The following RANBP17 variants were observed in gnomAD, a reference collection of about 807,000 sequenced individuals.
RANBP17 encodes ran-binding protein 17.
A neutral mutation model predicts 141.2 loss-of-function variants in RANBP17; 158 were observed. The ratio of observed to expected loss-of-function variants is 1.12; its 90% CI spans 0.98 to 1.28. RANBP17 has a LOEUF of 1.28. Ranked by LOEUF, RANBP17 falls within the 50% of genes most tolerant of loss-of-function variation. The pLI is 0.00. For synonymous variants in RANBP17, 430 were observed against 450.0 expected (o/e 0.96, Z 0.56); for missense variants, 1,438 against 1,290.7 (o/e 1.11, Z -1.75).
At chr5:171,138,906 T>C (rs1310564966) in intron 14 of RANBP17, among the ~76,000 whole-genome samples, 1 of 151,994 alleles carries the variant, frequency 6.6e-6, no homozygotes, top group Non-Finnish European at 1.5e-5. Context: ...TGAGTCGTCA[T>C]CTCTGCAAAA....
At chr5:170,895,908 T>C (rs946103038) in intron 4 of RANBP17, 142 bp from the exon 5 acceptor site, 6 of 435,072 alleles carry the variant, frequency 1.4e-5, no homozygotes, top group African/African-American at 1.2e-4. Flanking sequence ...TTTTTCTTTA[T>C]ATTTTATAAT....
chr5:171,290,142 G>A (rs1361528607), intron 25 of RANBP17, among the ~76,000 whole-genome samples: 1 of 151,798 alleles, frequency 6.6e-6, no homozygotes, highest in African/African-American at 2.4e-5. Context: ...GCGGAGGCAG[G>A]TGGATCACGA....
chr5:171,095,152 A>T (rs1187089814), intron 14 of RANBP17, among the ~76,000 whole-genome samples: 1 of 152,240 alleles, frequency 6.6e-6, no homozygotes, highest in Non-Finnish European at 1.5e-5. Flanking sequence ...ATATTCTGTT[A>T]TAGCAACAGA....
At chr5:171,218,021 G>A (rs1008210766) in intron 21 of RANBP17, among the ~76,000 whole-genome samples, 1 of 152,118 alleles carries the variant, frequency 6.6e-6, no homozygotes, top group Admixed American at 6.6e-5. Context: ...TCTCTTGTGG[G>A]CATTTAGTGC....
intron 14 of RANBP17, among the ~76,000 whole-genome samples, chr5:171,072,959 C>T (rs76364139): frequency 0.013 from 1,981 of 151,898 alleles, 42 homozygotes; most frequent in African/African-American, 0.046. Context: ...AAAGCTAGAA[C>T]TAAAAGGCAG....
intron 14 of RANBP17, among the ~76,000 whole-genome samples, chr5:171,014,317 C>T (rs746448851): frequency 6.6e-6 from 1 of 151,926 alleles, no homozygotes; most frequent in Non-Finnish European, 1.5e-5. Context: ...AGACCATTTA[C>T]ATGTACTGCA....
intron 25 of RANBP17, among the ~76,000 whole-genome samples, chr5:171,292,822 C>T (rs1768574668): frequency 6.6e-6 from 1 of 152,216 alleles, no homozygotes; most frequent in Non-Finnish European, 1.5e-5. Flanking sequence ...ACACATTCTA[C>T]ATGTCCCCAA....
intron 14 of RANBP17, among the ~76,000 whole-genome samples, chr5:171,069,035 T>A (rs1337996273): frequency 2.6e-5 from 4 of 152,196 alleles, no homozygotes; most frequent in Non-Finnish European, 4.4e-5. Flanking sequence ...TATTTCATAT[T>A]CTCTACAGCC....
intron 14 of RANBP17, among the ~76,000 whole-genome samples, chr5:171,006,735 T>G (rs1561980085): frequency 8.7e-6 from 1 of 114,678 alleles, no homozygotes; most frequent in African/African-American, 2.9e-5. Flanking sequence ...CTCTAAAACT[T>G]AAAGTATTAA....
At chr5:171,211,001 CA>C (rs949233363) in intron 20 of RANBP17, among the ~76,000 whole-genome samples, 9,195 of 75,372 alleles carry the variant, frequency 0.12, 355 homozygotes, top group African/African-American at 0.23. Context: ...AAGACCCCGT[CA>C]AAAAAAAAAA....
chr5:171,205,901 A>G (rs1229175040), intron 20 of RANBP17: 2 of 463,682 alleles, frequency 4.3e-6, no homozygotes, highest in South Asian at 2.0e-5. Flanking sequence ...TAATCTGGCT[A>G]ACATCTTTAG....
At chr5:171,151,208 T>C (rs17073376) in intron 14 of RANBP17, among the ~76,000 whole-genome samples, 8,611 of 152,282 alleles carry the variant, frequency 0.057, 302 homozygotes, top group East Asian at 0.12. Context: ...TTTAAAGGCA[T>C]GGTGTTAATA....
At chr5:171,038,290 C>CA (rs1782020497) in intron 14 of RANBP17, among the ~76,000 whole-genome samples, 1 of 151,370 alleles carries the variant, frequency 6.6e-6, no homozygotes, top group Admixed American at 6.6e-5. Flanking sequence ...ACTTTTTGTA[C>CA]ATTAATTTTT....
chr5:170,936,071 C>T (rs1305363698), intron 12 of RANBP17, among the ~76,000 whole-genome samples: 3 of 152,194 alleles, frequency 2.0e-5, no homozygotes, highest in South Asian at 2.1e-4. Context: ...AGCGAGGCTC[C>T]GTGGGCATGG....
At chr5:171,076,719 T>C (rs944775649) in intron 14 of RANBP17, among the ~76,000 whole-genome samples, 1 of 152,162 alleles carries the variant, frequency 6.6e-6, no homozygotes, top group Non-Finnish European at 1.5e-5. Flanking sequence ...TCATCTTGTA[T>C]GTAGAAAAGT....
chr5:170,999,893 A>G (rs1281333685), intron 14 of RANBP17, among the ~76,000 whole-genome samples: 3 of 152,118 alleles, frequency 2.0e-5, no homozygotes, highest in Non-Finnish European at 2.9e-5. Flanking sequence ...CCCATTAAAC[A>G]ATAATTTGCA....
At chr5:171,011,675 G>T (rs969380538) in intron 14 of RANBP17, among the ~76,000 whole-genome samples, 1 of 151,722 alleles carries the variant, frequency 6.6e-6, no homozygotes, top group East Asian at 1.9e-4. Flanking sequence ...ATAACATCAT[G>T]AGAGTTAACC....
At chr5:171,024,413 T>C (rs1781094691) in intron 14 of RANBP17, among the ~76,000 whole-genome samples, 2 of 152,162 alleles carry the variant, frequency 1.3e-5, no homozygotes, top group South Asian at 4.1e-4. Flanking sequence ...ATATTGTCTA[T>C]AGCTGCTTTG....
At chr5:171,116,715 T>C (rs1207690288) in intron 14 of RANBP17, among the ~76,000 whole-genome samples, 2 of 152,240 alleles carry the variant, frequency 1.3e-5, no homozygotes, top group East Asian at 3.8e-4. Flanking sequence ...TATATTATTG[T>C]TAACTATAGC....
Sources: allele counts gnomAD v4.1 joint callset (sites outside exome capture counted in the v4.1 genomes callset), GRCh38; gene constraint gnomAD v4.1.1; transcripts MANE v1.5; gene names NCBI Gene and HGNC (gene_info 2026-07-23, HGNC 2026-07-21).